The following SEPTIN14 variants were observed in gnomAD, a reference collection of about 807,000 sequenced individuals.
The protein encoded by SEPTIN14 is septin-14.
In SEPTIN14, 40 loss-of-function variants were observed where a neutral mutation model predicts 53.6. That is an observed-to-expected ratio of 0.75 (90% CI 0.58 to 0.97). The LOEUF is 0.97. SEPTIN14 is among the 50% of genes least tolerant of loss of function. The pLI is 0.00. For missense variants in SEPTIN14, 471 were observed against 508.2 expected, an observed-to-expected ratio of 0.93 and a Z score of 0.70; for synonymous variants, 138 against 166.8, an observed-to-expected ratio of 0.83 and a Z score of 1.33.
intron 6 of SEPTIN14, 62 bp from the exon 7 acceptor site, chr7:55,819,285 C>G: frequency 8.5e-7 from 1 of 1,177,322 alleles, no homozygotes; most frequent in Middle Eastern, 1.9e-4. Flanking sequence ...CTCTATTACT[C>G]TCATTCCTGT....
intron 7 of SEPTIN14, among the ~76,000 whole-genome samples, chr7:55,816,347 G>T (rs543095260): frequency 6.6e-6 from 1 of 152,264 alleles, no homozygotes; most frequent in Admixed American, 6.5e-5. Context: ...AACTAAAAGA[G>T]TATAGTTGGA....
rs73354565 is a variant in SEPTIN14 at position 55,845,272 on chromosome 7, G to A, written c.176-554C>T. On this transcript the variant is annotated intron_variant, in intron 3 of 9. Transcript: ENST00000388975. ...GCAAACCATCAGAGCTCATTGTAGC[G>A]CTATTCACAGTAGCAAAGACATGGA... Among the ~76,000 whole-genome samples the A allele has an allele frequency of 5.9e-3, 890 of 150,594 alleles. 8 individuals are homozygous for A. The highest frequency in any genetic ancestry group is 0.02 in the African/African-American group (801 of 40,898).
At chr7:55,855,164 G>A (rs930910068) in intron 2 of SEPTIN14, among the ~76,000 whole-genome samples, 5 of 151,934 alleles carry the variant, frequency 3.3e-5, no homozygotes, top group South Asian at 2.1e-4. Context: ...GCCCGCCACC[G>A]TGCCCAGCTA....
intron 7 of SEPTIN14, among the ~76,000 whole-genome samples, chr7:55,810,391 G>T (rs1788679877): frequency 6.6e-6 from 1 of 151,094 alleles, no homozygotes; most frequent in Non-Finnish European, 1.5e-5. Flanking sequence ...TGTATAAGTT[G>T]CAAATATTTT....
intron 7 of SEPTIN14, among the ~76,000 whole-genome samples, chr7:55,817,730 A>G (rs1174645921): frequency 6.6e-6 from 1 of 152,074 alleles, no homozygotes; most frequent in Non-Finnish European, 1.5e-5. Flanking sequence ...TCAGCCTCCC[A>G]AAGTGCTGGG....
chr7:55,825,370 C>T (rs1351346876), intron 6 of SEPTIN14, among the ~76,000 whole-genome samples: 1 of 152,136 alleles, frequency 6.6e-6, no homozygotes, highest in South Asian at 2.1e-4. Flanking sequence ...AGGTCAAGTA[C>T]AGGTGATATT....
chr7:55,797,965 C>T (rs1256011753), intron 9 of SEPTIN14: 1 of 155,386 alleles, frequency 6.4e-6, no homozygotes, highest in Admixed American at 6.5e-5. Flanking sequence ...CTTCTCCAGG[C>T]CCAAGCCACC....
At chr7:55,798,556 G>A (rs1788472223) in intron 9 of SEPTIN14, 1 of 384,366 alleles carries the variant, frequency 2.6e-6, no homozygotes, top group Admixed American at 2.7e-5. Context: ...CCAAGGAACA[G>A]AACTCATCTT....
chr7:55,827,864 A>G (rs1034492106), intron 6 of SEPTIN14, among the ~76,000 whole-genome samples: 10 of 152,234 alleles, frequency 6.6e-5, no homozygotes, highest in African/African-American at 2.4e-4. Context: ...ACAGAAGGGC[A>G]CAGGGCTAAA....
chr7:55,802,961 G>A (rs1788547173), intron 9 of SEPTIN14, among the ~76,000 whole-genome samples: 1 of 146,996 alleles, frequency 6.8e-6, no homozygotes, highest in Non-Finnish European at 1.5e-5. Flanking sequence ...TTTTTGAGAT[G>A]GAGTCTCACT....
chr7:55,802,162 G>A (rs923592674), intron 9 of SEPTIN14, among the ~76,000 whole-genome samples: 17 of 151,680 alleles, frequency 1.1e-4, no homozygotes, highest in African/African-American at 4.1e-4. Context: ...ACACCACCAC[G>A]CCCGGCTAAT....
chr7:55,834,509 CATT>C lies in SEPTIN14; in HGVS notation c.633_635del (p.Ile211del), dbSNP rs761199359. 4.3e-6 allele frequency: 7 copies of C among 1,612,056 alleles called. No homozygotes were observed. The African/African-American group carries it at 6.7e-5, about 15-fold the overall frequency. Reference sequence around the variant, plus strand: ...GGATGCCATTGCTAATCAATTCACTCATTATCTTATTCTTAAACGTCTGTAAAT... The same window carrying C: ...GGATGCCATTGCTAATCAATTCACTCATCTTATTCTTAAACGTCTGTAAAT... On this transcript the variant is annotated inframe_deletion, in exon 6 of 10. Coordinates refer to ENST00000388975, the MANE Select transcript of SEPTIN14 (RefSeq NM_207366.3).
rs1386267382 is a variant in SEPTIN14 at position 55,828,345 on chromosome 7, C to T, written c.720+6080G>A. On this transcript the variant is annotated intron_variant, in intron 6 of 9. Transcript: ENST00000388975. ...TTTGAGACAGAGTCTTGCTCTGTCG[C>T]CCAGGCTGCAGTGCAGTGGCGCCAT... 8.1e-5 allele frequency among the ~76,000 whole-genome samples: 12 copies of T among 148,266 alleles called. No homozygotes were observed. In the South Asian group the frequency reaches 1.9e-3, roughly 24 times the overall value.
chr7:55,815,538 T>A (rs1306753729), intron 7 of SEPTIN14, among the ~76,000 whole-genome samples: 1 of 152,184 alleles, frequency 6.6e-6, no homozygotes, highest in Non-Finnish European at 1.5e-5. Flanking sequence ...TGTTTTAACA[T>A]GTGTGAAGTA....
intron 6 of SEPTIN14, among the ~76,000 whole-genome samples, chr7:55,828,391 A>C (rs953393455): frequency 1.4e-5 from 2 of 144,304 alleles, no homozygotes; most frequent in African/African-American, 2.6e-5. Flanking sequence ...TGCAAGCTCC[A>C]CCTCCCGGGT....
At chr7:55,805,531 A>C in intron 8 of SEPTIN14, 141 bp from the exon 9 acceptor site, 1 of 569,786 alleles carries the variant, frequency 1.8e-6, no homozygotes, top group Non-Finnish European at 3.0e-6. Context: ...ATCATAAAAA[A>C]ATAAAATAAA....
chr7:55,822,322 A>G (rs1398510162), intron 6 of SEPTIN14, among the ~76,000 whole-genome samples: 3 of 152,228 alleles, frequency 2.0e-5, no homozygotes, highest in African/African-American at 7.2e-5. Context: ...CAAGATGTCA[A>G]TGTTCCATAA....
At position 55,795,798 on chromosome 7, in the gene SEPTIN14, A is replaced by T; in HGVS notation, c.*115T>A. 1.2e-6 allele frequency: 1 copy of T among 810,462 alleles called. No homozygotes were observed. Among genetic ancestry groups the T allele is most frequent in the Non-Finnish European group, 2.0e-6 (1 of 498,598 alleles). 50.2% of individuals were successfully genotyped at this position (810,462 alleles called of 1,614,324 possible). ...TTCACACTTTAGTTGGGGAAAATAT[A>T]CAATAAGCAAGCCAATTTTTAAAAT... On this transcript the variant is annotated 3_prime_UTR_variant, in exon 10 of 10. Coordinates refer to ENST00000388975, the MANE Select transcript of SEPTIN14 (RefSeq NM_207366.3).
At chr7:55,811,098 AG>A in intron 7 of SEPTIN14, 1 of 468,776 alleles carries the variant, frequency 2.1e-6, no homozygotes. Flanking sequence ...AGCAGATGTC[AG>A]GGGTGTTTGA....
Sources: gnomAD v4.1 joint callset for allele counts (sites outside exome capture counted in the v4.1 genomes callset) on GRCh38, gnomAD v4.1.1 for gene constraint, MANE v1.5 for transcripts, NCBI Gene and HGNC (gene_info 2026-07-23, HGNC 2026-07-21) for gene names.